Variants in PLCB1 observed in about 807,000 individuals in gnomAD.
PLCB1 encodes the protein 1-phosphatidylinositol 4,5-bisphosphate phosphodiesterase beta-1.
A neutral mutation model predicts 161.8 loss-of-function variants in PLCB1; 46 were observed. The ratio of observed to expected loss-of-function variants is 0.28; its 90% CI spans 0.22 to 0.36. The LOEUF (loss-of-function observed/expected upper bound fraction) is 0.36, where lower values mean the gene tolerates loss of function less well. PLCB1 is among the 10% of genes least tolerant of loss of function. The pLI is 1.00. For synonymous variants in PLCB1, 517 were observed against 503.7 expected (o/e 1.03, Z -0.35); for missense variants, 1,016 against 1,472.5 (o/e 0.69, Z 5.07).
chr20:8,760,481 C>T (rs767692821), intron 25 of PLCB1, 21 bp downstream of exon 25: 5 of 1,584,214 alleles, frequency 3.2e-6, no homozygotes, highest in Non-Finnish European at 4.3e-6. Context: ...CCCTTTCCCC[C>T]CATGGAATTA....
intron 3 of PLCB1, among the ~76,000 whole-genome samples, chr20:8,561,149 C>T (rs561201078): frequency 1.7e-4 from 26 of 151,780 alleles, no homozygotes; most frequent in African/African-American, 2.9e-4. Context: ...TGCTGAAGAC[C>T]GTTAGTGGAG....
chr20:8,373,966 G>A (rs1012669938), intron 3 of PLCB1, among the ~76,000 whole-genome samples: 3 of 152,098 alleles, frequency 2.0e-5, no homozygotes, highest in Admixed American at 6.5e-5. Flanking sequence ...AAATTTCAGC[G>A]GAATTGCCAG....
chr20:8,643,427 T>C (rs901822033), intron 4 of PLCB1, among the ~76,000 whole-genome samples: 1 of 152,314 alleles, frequency 6.6e-6, no homozygotes, highest in East Asian at 1.9e-4. Context: ...AGCTCACCTC[T>C]AGTTCTTTTC....
intron 3 of PLCB1, among the ~76,000 whole-genome samples, chr20:8,535,196 T>C (rs1165400007): frequency 3.6e-4 from 38 of 105,606 alleles, no homozygotes; most frequent in African/African-American, 1.2e-3. Flanking sequence ...AAATAGAGTT[T>C]ATGGGCAAAA....
chr20:8,186,773 G>A (rs1015113606), intron 2 of PLCB1, among the ~76,000 whole-genome samples: 2 of 152,202 alleles, frequency 1.3e-5, no homozygotes, highest in Admixed American at 6.5e-5. Context: ...CCCTCAGACT[G>A]TGATGCACAT....
At chr20:8,307,335 T>A (rs1346535559) in intron 2 of PLCB1, among the ~76,000 whole-genome samples, 1 of 152,220 alleles carries the variant, frequency 6.6e-6, no homozygotes, top group Non-Finnish European at 1.5e-5. Flanking sequence ...CTCTCTCTGG[T>A]GTCAGCTTCA....
At chr20:8,541,562 G>GAGAAAGAAAGAAAGAAA (rs1985318340) in intron 3 of PLCB1, among the ~76,000 whole-genome samples, 1 of 114,348 alleles carries the variant, frequency 8.7e-6, no homozygotes, top group Non-Finnish European at 1.8e-5. Context: ...AAGGAAGAAA[G>GAGAAAGAAAGAAAGAAA]AGAAAGAAAG....
intron 3 of PLCB1, among the ~76,000 whole-genome samples, chr20:8,624,780 T>C (rs1988287193): frequency 6.6e-6 from 1 of 152,214 alleles, no homozygotes; most frequent in Admixed American, 6.5e-5. Flanking sequence ...AGAAAATGAA[T>C]TTACTTAGTC....
Position 8,731,318 on chromosome 20 carries a change from C to T in PLCB1, c.1889-1920C>T, listed in dbSNP as rs920938205. On this transcript the variant is annotated intron_variant, in intron 18 of 31. Transcript: ENST00000338037. Reference sequence around the variant, plus strand: ...CCATCACCTGAAATATTTATCTTTACATTAGAAACAATCGAATTGCTGTCT... The same window carrying T: ...CCATCACCTGAAATATTTATCTTTATATTAGAAACAATCGAATTGCTGTCT... Among the ~76,000 whole-genome samples the T allele has an allele frequency of 1.8e-4, 27 of 151,976 alleles. 1 individual carries two copies. The highest frequency in any genetic ancestry group is 6.5e-4 in the African/African-American group (27 of 41,546).
intron 31 of PLCB1, among the ~76,000 whole-genome samples, chr20:8,822,676 G>A (rs1985493369): frequency 6.6e-6 from 1 of 152,144 alleles, no homozygotes; most frequent in Non-Finnish European, 1.5e-5. Flanking sequence ...TGGATTAGTT[G>A]GTTAAACAAT....
At chr20:8,484,631 G>A (rs968193075) in intron 3 of PLCB1, among the ~76,000 whole-genome samples, 3 of 152,188 alleles carry the variant, frequency 2.0e-5, no homozygotes, top group Admixed American at 6.5e-5. Context: ...TTACAGGCAT[G>A]AGCCACCGGC....
chr20:8,162,099 T>C (rs1053333488), intron 2 of PLCB1, among the ~76,000 whole-genome samples: 1 of 152,194 alleles, frequency 6.6e-6, no homozygotes. Context: ...ATCAAAATAG[T>C]TTTTTTATTA....
chr20:8,618,189 G>T (rs570192929), intron 3 of PLCB1, among the ~76,000 whole-genome samples: 2 of 152,012 alleles, frequency 1.3e-5, no homozygotes, highest in African/African-American at 2.4e-5. Flanking sequence ...AGAAAAATGT[G>T]AAAAAAGTGA....
intron 4 of PLCB1, among the ~76,000 whole-genome samples, chr20:8,640,749 A>G (rs1297529201): frequency 6.6e-6 from 1 of 152,236 alleles, no homozygotes; most frequent in Non-Finnish European, 1.5e-5. Flanking sequence ...TGCTAAGAAT[A>G]CACCTGAGAC....
chr20:8,851,827 C>G (rs180862695), intron 31 of PLCB1, among the ~76,000 whole-genome samples: 1 of 150,980 alleles, frequency 6.6e-6, no homozygotes, highest in Admixed American at 6.6e-5. Flanking sequence ...TTTGCTTGAA[C>G]TGAAGTTGCA....
Position 8,645,288 on chromosome 20 carries a change from A to G in PLCB1, c.385-814A>G, listed in dbSNP as rs533165720. ...TGCCAAATCCCCCTCTGTGAGAAAC[A>G]CCCAAGAATGATCAATAAAAAAAAA... On this transcript the variant is annotated intron_variant, in intron 4 of 31. Transcript: ENST00000338037. 4.7e-5 allele frequency among the ~76,000 whole-genome samples: 7 copies of G among 149,438 alleles called. No homozygotes were observed. The East Asian group carries it at 7.8e-4, about 17-fold the overall frequency.
intron 4 of PLCB1, 118 bp from the exon 5 acceptor site, chr20:8,645,983 AC>A (rs1989158139): frequency 6.2e-6 from 4 of 648,414 alleles, no homozygotes; most frequent in Non-Finnish European, 1.1e-5. Flanking sequence ...ACAAAACAAA[AC>A]AAAAAACCTT....
At chr20:8,334,221 GA>G (rs1478925682) in intron 2 of PLCB1, among the ~76,000 whole-genome samples, 1 of 150,390 alleles carries the variant, frequency 6.6e-6, no homozygotes, top group Non-Finnish European at 1.5e-5. Flanking sequence ...AAAAAAAAAA[GA>G]AAGAAAAGAA....
chr20:8,646,566 C>T (rs889413101), intron 5 of PLCB1, among the ~76,000 whole-genome samples: 2 of 152,162 alleles, frequency 1.3e-5, no homozygotes, highest in East Asian at 3.9e-4. Context: ...AGCATATGTT[C>T]CTCATTTCTG....
Sources: allele counts gnomAD v4.1 joint callset (sites outside exome capture counted in the v4.1 genomes callset), GRCh38; gene constraint gnomAD v4.1.1; transcripts MANE v1.5; gene names NCBI Gene and HGNC (gene_info 2026-07-23, HGNC 2026-07-21).